Variants in RXFP2 observed in about 807,000 individuals in gnomAD.
RXFP2 encodes relaxin receptor 2.
RXFP2 carries 68 observed loss-of-function variants against 88.6 expected under a neutral mutation model. That is an observed-to-expected ratio of 0.77 (90% CI 0.63 to 0.94). RXFP2 has a LOEUF of 0.94. RXFP2 is among the 40% of genes least tolerant of loss of function. RXFP2 has a pLI of 0.00. For synonymous variants in RXFP2, 329 were observed against 306.8 expected (o/e 1.07, Z -0.76); for missense variants, 791 against 893.9 (o/e 0.88, Z 1.47).
In RXFP2 at chr13:31,802,574, AC is replaced by A; in HGVS notation, c.*171del. 2 of 770,114 alleles carry A rather than the reference AC, an allele frequency of 2.6e-6. No homozygotes were observed. The highest frequency in any genetic ancestry group is 4.5e-6 in the Non-Finnish European group (2 of 449,306). The allele number at this position is 770,114 out of a possible 1,614,324, so 47.7% of individuals were successfully genotyped here. Reference sequence around the variant, plus strand: ...CATTCCAATGGCAGCTGTACTATCTACCAACCATGCTGAGGACAGCACCAAA... The same window carrying A: ...CATTCCAATGGCAGCTGTACTATCTACAACCATGCTGAGGACAGCACCAAA... On this transcript the variant is annotated 3_prime_UTR_variant, in exon 18 of 18. Coordinates refer to ENST00000298386, the MANE Select transcript of RXFP2 (RefSeq NM_130806.5).
At chr13:31,775,612 C>T (rs1377602942) in intron 7 of RXFP2, among the ~76,000 whole-genome samples, 1 of 152,170 alleles carries the variant, frequency 6.6e-6, no homozygotes, top group Non-Finnish European at 1.5e-5. Context: ...GGCCTCTACC[C>T]ACTAGATGCC....
intron 9 of RXFP2, among the ~76,000 whole-genome samples, chr13:31,778,963 C>A (rs4943729): frequency 0.53 from 81,193 of 151,792 alleles, 21,889 homozygotes; most frequent in East Asian, 0.7. Context: ...CAACTTAAAC[C>A]TCACCTCCAG....
Position 31,782,748 on chromosome 13 carries a change from G to GT in RXFP2, c.929+2dup, listed in dbSNP as rs1873347860. On this transcript the variant is annotated splice_donor_variant, in intron 11 of 17. Coordinates refer to ENST00000298386, the MANE Select transcript of RXFP2 (RefSeq NM_130806.5). LOFTEE classifies it high-confidence loss of function. ...CTTCATTAAAAAATTTAGGAGAACT[G>GT]TAAGTAGCATCGTCTACTAGGAAAA... 1.3e-6 allele frequency: 2 copies of GT among 1,557,488 alleles called. No individual in the cohort carries two copies. The highest frequency in any genetic ancestry group is 2.7e-5 in the African/African-American group (2 of 73,826).
intron 7 of RXFP2, among the ~76,000 whole-genome samples, chr13:31,776,072 C>CTTTCTTT (rs1566227687): frequency 9.7e-6 from 1 of 102,764 alleles, no homozygotes; most frequent in Non-Finnish European, 2.0e-5. Flanking sequence ...TTCTTTCTTT[C>CTTTCTTT]TTTCTTTCCT....
chr13:31,789,049 G>A (rs997182838), intron 13 of RXFP2, 73 bp from the exon 14 acceptor site: 23 of 901,096 alleles, frequency 2.6e-5, no homozygotes, highest in Middle Eastern at 2.5e-4. Context: ...ATTATATTTC[G>A]GATATGATGA....
chr13:31,792,245 G>A (rs1429491320), intron 15 of RXFP2, among the ~76,000 whole-genome samples: 1 of 152,140 alleles, frequency 6.6e-6, no homozygotes, highest in Non-Finnish European at 1.5e-5. Context: ...TCAGGAGTAT[G>A]TCTTGGGAAT....
At chr13:31,780,947 G>T (rs1324903370) in intron 9 of RXFP2, among the ~76,000 whole-genome samples, 1 of 152,200 alleles carries the variant, frequency 6.6e-6, no homozygotes, top group African/African-American at 2.4e-5. Context: ...CAGCGCTGAG[G>T]TTGCATCCCT....
At chr13:31,798,008 C>T (rs1874137527) in intron 17 of RXFP2, among the ~76,000 whole-genome samples, 1 of 152,186 alleles carries the variant, frequency 6.6e-6, no homozygotes, top group Non-Finnish European at 1.5e-5. Flanking sequence ...GAGATCACAG[C>T]TATTTAGGGG....
intron 4 of RXFP2, 96 bp from the exon 5 acceptor site, chr13:31,765,860 G>A (rs544918521): frequency 2.4e-5 from 17 of 703,684 alleles, no homozygotes; most frequent in African/African-American, 5.3e-5. Flanking sequence ...TATAATGAAC[G>A]TCATCAAATA....
intron 1 of RXFP2, among the ~76,000 whole-genome samples, chr13:31,753,545 A>G (rs1871770309): frequency 6.6e-6 from 1 of 152,204 alleles, no homozygotes; most frequent in South Asian, 2.1e-4. Context: ...CCCAAGCTTC[A>G]GTAAAAACTG....
intron 1 of RXFP2, among the ~76,000 whole-genome samples, chr13:31,751,123 G>C (rs182130937): frequency 6.6e-6 from 1 of 151,936 alleles, no homozygotes; most frequent in South Asian, 2.1e-4. Flanking sequence ...AACCCCATCT[G>C]TACTAAAAAT....
chr13:31,764,046 A>T (rs546802074), intron 3 of RXFP2, among the ~76,000 whole-genome samples: 1 of 152,188 alleles, frequency 6.6e-6, no homozygotes, highest in Non-Finnish European at 1.5e-5. Context: ...GTGATCTAAA[A>T]GAAGAAGGGC....
chr13:31,759,254 A>G (rs1277465790), intron 2 of RXFP2, among the ~76,000 whole-genome samples: 2 of 151,140 alleles, frequency 1.3e-5, no homozygotes, highest in African/African-American at 4.9e-5. Flanking sequence ...TAAAAAAATC[A>G]ATAATCTGAG....
chr13:31,741,129 T>C (rs188918090), intron 1 of RXFP2, among the ~76,000 whole-genome samples: 32 of 152,200 alleles, frequency 2.1e-4, no homozygotes, highest in Non-Finnish European at 1.9e-4. Flanking sequence ...AAAACATCTA[T>C]TACTAAAATA....
chr13:31,759,614 G>A (rs556129426), intron 2 of RXFP2, among the ~76,000 whole-genome samples: 4 of 152,070 alleles, frequency 2.6e-5, no homozygotes, highest in Admixed American at 2.0e-4. Context: ...AGATCCCAGA[G>A]CATCTTACAG....
intron 1 of RXFP2, among the ~76,000 whole-genome samples, chr13:31,753,335 A>G (rs569647648): frequency 1.2e-3 from 185 of 152,330 alleles, no homozygotes; most frequent in Non-Finnish European, 2.1e-3. Context: ...TTAAAAGGCC[A>G]TCTAAACGTC....
At chr13:31,765,752 A>G (rs573098782) in intron 4 of RXFP2, among the ~76,000 whole-genome samples, 2 of 152,302 alleles carry the variant, frequency 1.3e-5, no homozygotes, top group Non-Finnish European at 2.9e-5. Context: ...AACTGGCTAC[A>G]TTTGTCAAAT....
intron 2 of RXFP2, among the ~76,000 whole-genome samples, chr13:31,760,236 C>T (rs964943103): frequency 9.9e-5 from 15 of 151,928 alleles, no homozygotes; most frequent in African/African-American, 3.6e-4. Context: ...TTACAGGCGC[C>T]CTCCACCATG....
intron 5 of RXFP2, among the ~76,000 whole-genome samples, chr13:31,773,479 A>G (rs1000375664): frequency 6.6e-6 from 1 of 151,546 alleles, no homozygotes; most frequent in African/African-American, 2.4e-5. Context: ...TTTTTAATTG[A>G]AGTTAAATAA....
Sources: gnomAD v4.1 joint callset for allele counts (sites outside exome capture counted in the v4.1 genomes callset) on GRCh38, gnomAD v4.1.1 for gene constraint, MANE v1.5 for transcripts, NCBI Gene and HGNC (gene_info 2026-07-23, HGNC 2026-07-21) for gene names.